CRPPA: variants seen among roughly 807,000 people sequenced by gnomAD.
CRPPA encodes the protein D-ribitol-5-phosphate cytidylyltransferase.
CRPPA carries 43 observed loss-of-function variants against 52.0 expected under a neutral mutation model. The observed-to-expected ratio is 0.83, with a 90% CI of 0.65 to 1.07. The LOEUF (loss-of-function observed/expected upper bound fraction) is 1.07. CRPPA is among the 50% of genes least tolerant of loss of function. The pLI is 0.00. For synonymous variants in CRPPA, 250 were observed against 203.5 expected, an observed-to-expected ratio of 1.23 and a Z score of -1.94; for missense variants, 629 against 551.7, an observed-to-expected ratio of 1.14 and a Z score of -1.40.
chr7:16,193,089 C>T (rs556976339), intron 9 of CRPPA, among the ~76,000 whole-genome samples: 1 of 152,064 alleles, frequency 6.6e-6, no homozygotes, highest in Non-Finnish European at 1.5e-5. Context: ...AAAATAAATG[C>T]CTGTTGGCAT....
chr7:16,395,038 G>A (rs1364888243), intron 2 of CRPPA, among the ~76,000 whole-genome samples: 1 of 152,138 alleles, frequency 6.6e-6, no homozygotes, highest in Non-Finnish European at 1.5e-5. Context: ...ATTATGACAA[G>A]TATAAACAAG....
At chr7:16,268,029 T>C (rs1202907803) in intron 6 of CRPPA, among the ~76,000 whole-genome samples, 1 of 152,058 alleles carries the variant, frequency 6.6e-6, no homozygotes, top group Non-Finnish European at 1.5e-5. Flanking sequence ...AGCAGAAAGG[T>C]AGGTCCTGGA....
At chr7:16,347,201 C>G (rs56327615) in intron 3 of CRPPA, among the ~76,000 whole-genome samples, 16,172 of 152,058 alleles carry the variant, frequency 0.11, 1,094 homozygotes, top group East Asian at 0.36. Flanking sequence ...TAAATAGACT[C>G]CTGACAGTTA....
intron 9 of CRPPA, among the ~76,000 whole-genome samples, chr7:16,182,879 T>A (rs897193562): frequency 6.6e-6 from 1 of 152,132 alleles, no homozygotes; most frequent in Non-Finnish European, 1.5e-5. Flanking sequence ...TGACGCTGAG[T>A]TGAAGTAACA....
intron 2 of CRPPA, among the ~76,000 whole-genome samples, chr7:16,399,332 A>G (rs796796507): frequency 4.0e-5 from 6 of 151,730 alleles, no homozygotes; most frequent in Admixed American, 1.3e-4. Context: ...ACGTGACCAG[A>G]GTGTGATTGA....
chr7:16,282,343 C>G (rs1194470619), intron 5 of CRPPA, among the ~76,000 whole-genome samples: 1 of 151,964 alleles, frequency 6.6e-6, no homozygotes, highest in East Asian at 1.9e-4. Flanking sequence ...CTTATTTCCT[C>G]TATGGATTAT....
intron 9 of CRPPA, among the ~76,000 whole-genome samples, chr7:16,111,466 A>G (rs1782263100): frequency 1.3e-5 from 2 of 152,168 alleles, no homozygotes; most frequent in Admixed American, 6.5e-5. Flanking sequence ...AGATGTCTGC[A>G]CTCACTCCCA....
chr7:16,286,097 A>AAAATAT lies in CRPPA; in HGVS notation c.836-7872_836-7871insATATTT. Among the ~76,000 whole-genome samples, 36 of 39,116 alleles carry AAAATAT rather than the reference A, an allele frequency of 9.2e-4. 4 individuals carry two copies. Among genetic ancestry groups the AAAATAT allele is most frequent in the African/African-American group, 2.0e-3 (11 of 5,450 alleles). 25.7% of individuals were successfully genotyped at this position (39,116 alleles called of 152,430 possible). A position where few individuals can be genotyped will look rare whatever the true frequency, so the allele number is the denominator to read the frequency against. On this transcript the variant is annotated intron_variant, in intron 5 of 9. Transcript: ENST00000407010. Reference sequence around the variant, plus strand: ...TATATATATAATATTTAAAAAAAAAAATATATATATATATATATATGCCAA... The same window carrying AAAATAT: ...TATATATATAATATTTAAAAAAAAAAAAATATATATATATATATATATATATGCCAA...
chr7:16,178,984 A>T (rs1238495796), intron 9 of CRPPA, among the ~76,000 whole-genome samples: 1 of 152,134 alleles, frequency 6.6e-6, no homozygotes. Flanking sequence ...AATAGAGCAA[A>T]CTGTGTATGC....
At chr7:16,414,848 A>C (rs983476404) in intron 1 of CRPPA, among the ~76,000 whole-genome samples, 1 of 152,238 alleles carries the variant, frequency 6.6e-6, no homozygotes, top group African/African-American at 2.4e-5. Context: ...ATGAGTTGTT[A>C]TATGTGATCC....
intron 3 of CRPPA, among the ~76,000 whole-genome samples, chr7:16,375,381 C>T (rs751772596): frequency 2.0e-5 from 3 of 152,122 alleles, no homozygotes; most frequent in Non-Finnish European, 4.4e-5. Flanking sequence ...ACTCAATGTG[C>T]AAACAAATGA....
chr7:16,356,626 A>G (rs540234792), intron 3 of CRPPA, among the ~76,000 whole-genome samples: 1 of 152,192 alleles, frequency 6.6e-6, no homozygotes, highest in African/African-American at 2.4e-5. Context: ...GCCAATAGAG[A>G]CTACATTTCA....
intron 3 of CRPPA, among the ~76,000 whole-genome samples, chr7:16,342,752 CCCT>C (rs1390782909): frequency 1.2e-4 from 1 of 8,300 alleles, no homozygotes; most frequent in South Asian, 4.5e-3. Context: ...ACAGGATGAA[CCCT>C]GTCTCCACAA....
chr7:16,255,073 G>A (rs1783598833), intron 8 of CRPPA, among the ~76,000 whole-genome samples: 1 of 152,142 alleles, frequency 6.6e-6, no homozygotes, highest in East Asian at 1.9e-4. Context: ...TCCTTAAGCT[G>A]ATAAGCAACT....
intron 9 of CRPPA, among the ~76,000 whole-genome samples, chr7:16,186,073 T>G (rs929314579): frequency 1.3e-5 from 2 of 152,228 alleles, no homozygotes; most frequent in Non-Finnish European, 2.9e-5. Flanking sequence ...CAAATCCATA[T>G]GCATACATAC....
intron 2 of CRPPA, among the ~76,000 whole-genome samples, chr7:16,378,936 T>G (rs2128312636): frequency 6.6e-6 from 1 of 152,310 alleles, no homozygotes; most frequent in South Asian, 2.1e-4. Context: ...TTCATCTCCT[T>G]CACCCACTTT....
intron 9 of CRPPA, among the ~76,000 whole-genome samples, chr7:16,100,279 T>C (rs1782018607): frequency 6.6e-6 from 1 of 152,200 alleles, no homozygotes; most frequent in African/African-American, 2.4e-5. Flanking sequence ...TGTCATCTAT[T>C]TTTTATTGCA....
intron 9 of CRPPA, among the ~76,000 whole-genome samples, chr7:16,166,279 C>A (rs1352154655): frequency 1.3e-5 from 2 of 150,622 alleles, no homozygotes; most frequent in Non-Finnish European, 2.9e-5. Flanking sequence ...ACTGGTACAG[C>A]CTAAACTTTT....
chr7:16,413,478 T>C (rs1402482252), intron 1 of CRPPA, among the ~76,000 whole-genome samples: 4 of 152,228 alleles, frequency 2.6e-5, no homozygotes, highest in Non-Finnish European at 5.9e-5. Context: ...AAAGCTTTCC[T>C]TTCTCATTCT....
Sources: gnomAD v4.1 joint callset for allele counts (sites outside exome capture counted in the v4.1 genomes callset) on GRCh38, gnomAD v4.1.1 for gene constraint, MANE v1.5 for transcripts, NCBI Gene and HGNC (gene_info 2026-07-23, HGNC 2026-07-21) for gene names.